PTPRD: variants seen among roughly 807,000 people sequenced by gnomAD.
PTPRD encodes receptor-type tyrosine-protein phosphatase delta.
PTPRD carries 34 observed loss-of-function variants against 214.5 expected under a neutral mutation model. The observed-to-expected ratio is 0.16, with a 90% CI of 0.12 to 0.21. PTPRD has a LOEUF of 0.21. Among genes scored for constraint, PTPRD ranks in the 10% least tolerant of loss-of-function variants. The pLI is 1.00. For missense variants in PTPRD, 2,545 were observed against 2,398.7 expected (o/e 1.06, Z -1.27); for synonymous variants, 1,128 against 845.7 (o/e 1.33, Z -5.79).
intron 39 of PTPRD, among the ~76,000 whole-genome samples, chr9:8,367,154 A>G (rs929592015): frequency 2.0e-5 from 3 of 152,316 alleles, no homozygotes; most frequent in South Asian, 2.1e-4. Flanking sequence ...GTATGCTTTA[A>G]AAGGTTATAA....
intron 10 of PTPRD, among the ~76,000 whole-genome samples, chr9:9,056,087 C>T (rs1006242384): frequency 2.6e-5 from 4 of 152,170 alleles, no homozygotes; most frequent in East Asian, 1.9e-4. Context: ...ACCAAGTGAA[C>T]ATTATTGTTG....
In PTPRD at chr9:8,920,941, G is replaced by A. The variant is rs145536557; in HGVS notation, c.-104+97756C>T. 9.5e-4 allele frequency among the ~76,000 whole-genome samples: 145 copies of A among 152,204 alleles called. 1 individual carries two copies. The East Asian group carries it at 0.021, about 23-fold the overall frequency. ...CGATTCTCCTGCCTCAGCCTCCTGCGTAGCTGGGATTACAGACGCACGCCC... is the reference window on the plus strand; with the variant it reads ...CGATTCTCCTGCCTCAGCCTCCTGCATAGCTGGGATTACAGACGCACGCCC... On this transcript the variant is annotated intron_variant, in intron 11 of 45. Coordinates refer to ENST00000381196, the MANE Select transcript of PTPRD (RefSeq NM_002839.4).
chr9:8,689,261 A>C (rs2154380048), intron 12 of PTPRD, among the ~76,000 whole-genome samples: 1 of 152,370 alleles, frequency 6.6e-6, no homozygotes, highest in African/African-American at 2.4e-5. Context: ...TGAAAACAAA[A>C]TCAGAGTAAG....
intron 3 of PTPRD, among the ~76,000 whole-genome samples, chr9:10,096,265 T>C (rs543528626): frequency 6.6e-6 from 1 of 151,830 alleles, no homozygotes; most frequent in South Asian, 2.1e-4. Flanking sequence ...TTCTCTTTCA[T>C]AGCTATCTTT....
chr9:8,686,526 T>C (rs368325584), intron 12 of PTPRD, among the ~76,000 whole-genome samples: 4 of 152,174 alleles, frequency 2.6e-5, no homozygotes, highest in Admixed American at 6.5e-5. Flanking sequence ...ATAATATACA[T>C]TGTCACAACA....
intron 33 of PTPRD, among the ~76,000 whole-genome samples, chr9:8,453,401 T>C (rs1471954739): frequency 1.3e-5 from 2 of 152,006 alleles, no homozygotes; most frequent in Admixed American, 1.3e-4. Flanking sequence ...CCTGACCTTG[T>C]GATCCACCCG....
At chr9:9,877,681 G>A (rs2067280621) in intron 5 of PTPRD, among the ~76,000 whole-genome samples, 1 of 151,984 alleles carries the variant, frequency 6.6e-6, no homozygotes, top group African/African-American at 2.4e-5. Flanking sequence ...ACAAACTCTT[G>A]AAGAAATGCT....
intron 9 of PTPRD, among the ~76,000 whole-genome samples, chr9:9,267,396 T>C (rs772895056): frequency 2.0e-5 from 3 of 151,138 alleles, no homozygotes; most frequent in Admixed American, 2.0e-4. Context: ...AGTAAGGAGA[T>C]TGAATCAGTA....
At chr9:10,131,271 G>C (rs547145088) in intron 3 of PTPRD, among the ~76,000 whole-genome samples, 4 of 152,082 alleles carry the variant, frequency 2.6e-5, no homozygotes, top group African/African-American at 9.7e-5. Flanking sequence ...GCATCTCTAA[G>C]TTCTGTCCCT....
chr9:8,445,554 A>G (rs1301611551), intron 34 of PTPRD, among the ~76,000 whole-genome samples: 2 of 152,212 alleles, frequency 1.3e-5, no homozygotes, highest in African/African-American at 2.4e-5. Context: ...ATGTTCCCGT[A>G]TATTTGTCCA....
intron 9 of PTPRD, among the ~76,000 whole-genome samples, chr9:9,352,219 G>C (rs1039515839): frequency 1.3e-5 from 2 of 151,422 alleles, no homozygotes; most frequent in Non-Finnish European, 2.9e-5. Context: ...GTACATCGTA[G>C]CATAACTATA....
intron 10 of PTPRD, among the ~76,000 whole-genome samples, chr9:9,059,152 C>A (rs1458220195): frequency 6.6e-6 from 1 of 152,162 alleles, no homozygotes; most frequent in Non-Finnish European, 1.5e-5. Flanking sequence ...TGCTGGGCAG[C>A]ACTGAGGACC....
intron 3 of PTPRD, among the ~76,000 whole-genome samples, chr9:10,091,687 G>T (rs1236675492): frequency 6.6e-6 from 1 of 151,406 alleles, no homozygotes; most frequent in Non-Finnish European, 1.5e-5. Flanking sequence ...ACATTTTCTT[G>T]CAAAGGTTAG....
intron 3 of PTPRD, among the ~76,000 whole-genome samples, chr9:10,079,960 T>A (rs891099327): frequency 6.6e-6 from 1 of 151,236 alleles, no homozygotes; most frequent in Non-Finnish European, 1.5e-5. Flanking sequence ...CAGCTTGGTA[T>A]GTACAACCCC....
At chr9:9,969,478 T>G (rs1331568233) in intron 4 of PTPRD, among the ~76,000 whole-genome samples, 1 of 152,222 alleles carries the variant, frequency 6.6e-6, no homozygotes, top group Non-Finnish European at 1.5e-5. Flanking sequence ...TATGCAGAAA[T>G]GCAACTTACT....
intron 9 of PTPRD, among the ~76,000 whole-genome samples, chr9:9,262,961 C>A (rs1216497538): frequency 3.3e-5 from 5 of 151,538 alleles, no homozygotes; most frequent in Non-Finnish European, 7.4e-5. Flanking sequence ...ATTTCTACTC[C>A]CACCCTGGCC....
intron 21 of PTPRD, among the ~76,000 whole-genome samples, chr9:8,515,094 T>C (rs957906123): frequency 6.6e-6 from 1 of 152,178 alleles, no homozygotes; most frequent in Admixed American, 6.6e-5. Flanking sequence ...GTCATGGGTA[T>C]CTCTTTATAG....
At chr9:9,267,408 T>C (rs552187459) in intron 9 of PTPRD, among the ~76,000 whole-genome samples, 34 of 151,322 alleles carry the variant, frequency 2.2e-4, no homozygotes, top group African/African-American at 7.2e-4. Flanking sequence ...GAATCAGTAA[T>C]TAAAAATCTC....
At position 10,406,035 on chromosome 9, in the gene PTPRD, G is replaced by C. The variant is rs549039477; in HGVS notation, c.-599-65018C>G. ...AAACTATCCATTATAAGATACATTA[G>C]CTCAGATCAATATTTCTTGGAAATA... is the stretch of plus-strand genomic sequence containing the variant. On this transcript the variant is annotated intron_variant, in intron 2 of 45. Coordinates refer to ENST00000381196, the MANE Select transcript of PTPRD (RefSeq NM_002839.4). Among the ~76,000 whole-genome samples, 6 of 151,252 alleles carry C rather than the reference G, an allele frequency of 4.0e-5. No homozygotes were observed. In the South Asian group the frequency reaches 1.2e-3, roughly 31 times the overall value.
Sources: allele counts gnomAD v4.1 joint callset (sites outside exome capture counted in the v4.1 genomes callset), GRCh38; gene constraint gnomAD v4.1.1; transcripts MANE v1.5; gene names NCBI Gene and HGNC (gene_info 2026-07-23, HGNC 2026-07-21).